Variants in NSMCE2 observed in about 807,000 individuals in gnomAD.
NSMCE2 encodes the protein E3 SUMO-protein ligase NSE2.
In NSMCE2, 24 loss-of-function variants were observed where a neutral mutation model predicts 23.8. The observed-to-expected ratio is 1.01, with a 90% CI of 0.73 to 1.42. NSMCE2 has a LOEUF of 1.42. Ranked by LOEUF, NSMCE2 falls within the 40% of genes most tolerant of loss-of-function variation. The pLI, the probability that NSMCE2 is intolerant of heterozygous loss-of-function variation, is 0.00. For missense variants in NSMCE2, 284 were observed against 296.5 expected, an observed-to-expected ratio of 0.96 and a Z score of 0.31; for synonymous variants, 92 against 94.1, an observed-to-expected ratio of 0.98 and a Z score of 0.13.
chr8:125,312,075 T>TAAAA (rs56906621), intron 5 of NSMCE2, among the ~76,000 whole-genome samples: 10 of 99,298 alleles, frequency 1.0e-4, no homozygotes, highest in African/African-American at 3.2e-4. Context: ...CCATCTCAAT[T>TAAAA]AAAAAAAAAA....
At chr8:125,191,557 A>G (rs970478493) in intron 5 of NSMCE2, among the ~76,000 whole-genome samples, 2 of 152,178 alleles carry the variant, frequency 1.3e-5, no homozygotes, top group Admixed American at 6.5e-5. Context: ...GGTCACTTGC[A>G]TTTAGAGATT....
chr8:125,359,255 T>C (rs1251862112), intron 7 of NSMCE2, among the ~76,000 whole-genome samples: 2 of 142,906 alleles, frequency 1.4e-5, no homozygotes, highest in African/African-American at 5.1e-5. Flanking sequence ...CACAGAGTGA[T>C]ACTCTGTCTC....
rs565593006 is a variant in NSMCE2 at position 125,170,376 on chromosome 8, CTTTTTTT to C, written c.265-11694_265-11688del. The stretch of plus-strand genomic sequence containing the variant: ...CATCAATAAACCTTACTCTTTATTT[CTTTTTTT>C]TTTTTTTTTTTTTTTTTTTTTTTTT... On this transcript the variant is annotated intron_variant, in intron 4 of 7. Transcript: ENST00000287437. 1.1e-3 allele frequency among the ~76,000 whole-genome samples: 41 copies of C among 37,838 alleles called. 1 individual carries two copies. Among genetic ancestry groups the C allele is most frequent in the South Asian group, 4.2e-3 (3 of 706 alleles). 24.8% of individuals were successfully genotyped at this position (37,838 alleles called of 152,430 possible). A position where few individuals can be genotyped will look rare whatever the true frequency, so the allele number is the denominator to read the frequency against.
At chr8:125,232,410 C>T (rs913530565) in intron 5 of NSMCE2, among the ~76,000 whole-genome samples, 5 of 151,908 alleles carry the variant, frequency 3.3e-5, no homozygotes, top group African/African-American at 1.2e-4. Flanking sequence ...GCACTGTGCA[C>T]ATGATAAGAA....
chr8:125,278,410 C>G (rs1827559247), intron 5 of NSMCE2, among the ~76,000 whole-genome samples: 1 of 152,168 alleles, frequency 6.6e-6, no homozygotes, highest in Non-Finnish European at 1.5e-5. Flanking sequence ...CACAGAAGCC[C>G]CAAGGGCAGT....
At chr8:125,125,620 A>G (rs1251389498) in intron 3 of NSMCE2, among the ~76,000 whole-genome samples, 2 of 152,218 alleles carry the variant, frequency 1.3e-5, no homozygotes, top group Non-Finnish European at 2.9e-5. Context: ...AATGATGAGT[A>G]GGCATTCCCT....
At chr8:125,105,432 T>C (rs1445199236) in intron 3 of NSMCE2, among the ~76,000 whole-genome samples, 4 of 152,208 alleles carry the variant, frequency 2.6e-5, no homozygotes. Flanking sequence ...CAGGATTCTT[T>C]TTGAAGATTC....
intron 5 of NSMCE2, among the ~76,000 whole-genome samples, chr8:125,319,405 A>G (rs78664279): frequency 0.038 from 5,720 of 152,300 alleles, 145 homozygotes; most frequent in Middle Eastern, 0.14. Flanking sequence ...TGACCTAGAA[A>G]TGACACAGAT....
intron 5 of NSMCE2, among the ~76,000 whole-genome samples, chr8:125,284,586 A>G (rs1217860078): frequency 2.0e-5 from 3 of 152,234 alleles, no homozygotes; most frequent in Non-Finnish European, 4.4e-5. Flanking sequence ...TTTCAAAGAT[A>G]TGCCATTCAG....
chr8:125,258,190 C>T (rs1320174808), intron 5 of NSMCE2, among the ~76,000 whole-genome samples: 1 of 152,046 alleles, frequency 6.6e-6, no homozygotes, highest in African/African-American at 2.4e-5. Flanking sequence ...AGCTGATGGA[C>T]TTAATTTTTT....
intron 5 of NSMCE2, among the ~76,000 whole-genome samples, chr8:125,300,758 G>C (rs981177622): frequency 6.6e-6 from 1 of 152,148 alleles, no homozygotes; most frequent in Admixed American, 6.6e-5. Context: ...AAGGTGGCCT[G>C]ATGTAGCCTG....
At chr8:125,172,349 T>C (rs1822263365) in intron 4 of NSMCE2, among the ~76,000 whole-genome samples, 1 of 152,220 alleles carries the variant, frequency 6.6e-6, no homozygotes, top group South Asian at 2.1e-4. Flanking sequence ...AGTGAGAAAT[T>C]CCCAGATTTA....
At chr8:125,275,484 A>G (rs758242051) in intron 5 of NSMCE2, among the ~76,000 whole-genome samples, 1 of 152,166 alleles carries the variant, frequency 6.6e-6, no homozygotes, top group Non-Finnish European at 1.5e-5. Context: ...TGGATAGCCA[A>G]CCAAACCACT....
chr8:125,233,899 G>C (rs532200402), intron 5 of NSMCE2, among the ~76,000 whole-genome samples: 2 of 151,716 alleles, frequency 1.3e-5, no homozygotes, highest in Non-Finnish European at 2.9e-5. Context: ...ATCTCTGACC[G>C]GGCATGGTGG....
chr8:125,363,184 A>T (rs949072156), intron 7 of NSMCE2: 8 of 152,054 alleles, frequency 5.3e-5, no homozygotes, highest in African/African-American at 1.9e-4. Flanking sequence ...CCTCTTCATG[A>T]TCTTAGCTGC....
chr8:125,128,874 C>CT (rs1373412032), intron 3 of NSMCE2, among the ~76,000 whole-genome samples: 2 of 152,234 alleles, frequency 1.3e-5, no homozygotes, highest in African/African-American at 4.8e-5. Context: ...CCTGGATTCT[C>CT]TCCCCACTGC....
intron 3 of NSMCE2, chr8:125,127,124 A>G (rs1201081884): frequency 6.6e-6 from 1 of 152,216 alleles, no homozygotes. Flanking sequence ...CATGAAAAAT[A>G]TGGACATTAT....
At chr8:125,296,174 A>C (rs1828316875) in intron 5 of NSMCE2, among the ~76,000 whole-genome samples, 1 of 152,096 alleles carries the variant, frequency 6.6e-6, no homozygotes, top group Non-Finnish European at 1.5e-5. Context: ...AGGTACTGTT[A>C]TTTTCTTCTT....
chr8:125,116,941 G>A (rs1252369830), intron 3 of NSMCE2, among the ~76,000 whole-genome samples: 1 of 149,880 alleles, frequency 6.7e-6, no homozygotes, highest in East Asian at 1.9e-4. Flanking sequence ...ACTCTGGTGG[G>A]CAGTGGCATG....
Sources: allele counts gnomAD v4.1 joint callset (sites outside exome capture counted in the v4.1 genomes callset), GRCh38; gene constraint gnomAD v4.1.1; transcripts MANE v1.5; gene names NCBI Gene and HGNC (gene_info 2026-07-23, HGNC 2026-07-21).